Variants in SYT9 observed in about 807,000 individuals in gnomAD.
The protein encoded by SYT9 is synaptotagmin 9, also known as synaptotagmin-9.
SYT9 carries 22 observed loss-of-function variants against 48.4 expected under a neutral mutation model. The observed-to-expected ratio is 0.45, with a 90% confidence interval of 0.32 to 0.65. The LOEUF (loss-of-function observed/expected upper bound fraction) is 0.65, where lower values mean the gene tolerates loss of function less well. SYT9 is among the 30% of genes least tolerant of loss of function. The pLI is 0.03. For synonymous variants in SYT9, 265 were observed against 245.0 expected, an observed-to-expected ratio of 1.08 and a Z score of -0.76; for missense variants, 577 against 622.0, an observed-to-expected ratio of 0.93 and a Z score of 0.77.
At chr11:7,302,412 G>A (rs546749205) in intron 1 of SYT9, among the ~76,000 whole-genome samples, 11 of 152,264 alleles carry the variant, frequency 7.2e-5, no homozygotes, top group African/African-American at 2.6e-4. Context: ...TTTAGGGTAT[G>A]CTACTGGGGA....
chr11:7,425,883 C>T (rs1847447754), intron 6 of SYT9, among the ~76,000 whole-genome samples: 1 of 152,138 alleles, frequency 6.6e-6, no homozygotes, highest in Non-Finnish European at 1.5e-5. Context: ...AGCATCGTGT[C>T]TCATGTCTCA....
intron 3 of SYT9, among the ~76,000 whole-genome samples, chr11:7,398,250 T>C (rs561039108): frequency 6.6e-6 from 1 of 152,294 alleles, no homozygotes. Context: ...TTTACCTTGA[T>C]TATGATGTTC....
chr11:7,425,129 T>C (rs185543005), intron 6 of SYT9, among the ~76,000 whole-genome samples: 2 of 152,248 alleles, frequency 1.3e-5, no homozygotes, highest in African/African-American at 4.8e-5. Context: ...GATCCACATA[T>C]TCCCAGGAGA....
chr11:7,307,146 G>A (rs10500689), intron 2 of SYT9, among the ~76,000 whole-genome samples: 12,034 of 152,160 alleles, frequency 0.079, 842 homozygotes, highest in East Asian at 0.21. Context: ...TAAGCAATCC[G>A]TAGAGTTACA....
At chr11:7,373,909 G>T (rs1049468658) in intron 3 of SYT9, among the ~76,000 whole-genome samples, 1 of 151,946 alleles carries the variant, frequency 6.6e-6, no homozygotes, top group Non-Finnish European at 1.5e-5. Flanking sequence ...TTTCTAGATT[G>T]TCCTAGAGAG....
intron 3 of SYT9, among the ~76,000 whole-genome samples, chr11:7,409,196 A>G (rs545332801): frequency 3.4e-4 from 51 of 152,198 alleles, no homozygotes; most frequent in African/African-American, 1.2e-3. Flanking sequence ...TATGTGATGT[A>G]TCACATTTAT....
At chr11:7,298,865 T>C (rs942032491) in intron 1 of SYT9, among the ~76,000 whole-genome samples, 1 of 152,166 alleles carries the variant, frequency 6.6e-6, no homozygotes, top group Non-Finnish European at 1.5e-5. Context: ...ACATCTTCCC[T>C]GGGAAGAATA....
chr11:7,317,539 A>T (rs1379036715), intron 3 of SYT9, among the ~76,000 whole-genome samples: 1 of 152,064 alleles, frequency 6.6e-6, no homozygotes, highest in Non-Finnish European at 1.5e-5. Context: ...TAATCCTACA[A>T]TGGGGGCCCC....
At chr11:7,406,841 A>G (rs963440246) in intron 3 of SYT9, among the ~76,000 whole-genome samples, 5 of 151,900 alleles carry the variant, frequency 3.3e-5, no homozygotes, top group African/African-American at 1.2e-4. Context: ...TTTTCTCCAC[A>G]TTGTTGCTAG....
chr11:7,400,499 C>T (rs951656155), intron 3 of SYT9, among the ~76,000 whole-genome samples: 6 of 152,122 alleles, frequency 3.9e-5, no homozygotes, highest in African/African-American at 1.4e-4. Flanking sequence ...TCAAACAGTT[C>T]TGAAACAAGG....
intron 6 of SYT9, among the ~76,000 whole-genome samples, chr11:7,456,083 T>C (rs756723485): frequency 6.6e-6 from 1 of 152,280 alleles, no homozygotes; most frequent in South Asian, 2.1e-4. Context: ...TATTTGATTA[T>C]ACATTTACCA....
intron 3 of SYT9, among the ~76,000 whole-genome samples, chr11:7,315,800 A>C (rs1480372435): frequency 6.6e-6 from 1 of 152,198 alleles, no homozygotes; most frequent in Non-Finnish European, 1.5e-5. Context: ...CTTGGGAGTA[A>C]GAGTTTCTTT....
rs1423873783 is a variant in SYT9 at position 7,418,057 on chromosome 11, C to A, written c.1266C>A (p.Ala422=). ...RNTLNPVYNE[A]IVFDVPPENI... is the part of the protein sequence containing the mutation. ...CCTTGAATCCTGTTTACAACGAAGC[C>A]ATAGTCTTTGATGTCCCTCCCGAGA... Residue 422 remains alanine (A), a synonymous_variant, in exon 5 of 7, where the codon GCC becomes GCA. Coordinates refer to ENST00000318881, the MANE Select transcript of SYT9 (RefSeq NM_175733.4). The A allele has an allele frequency of 1.9e-6, 3 of 1,614,024 alleles. No homozygotes were observed. The African/African-American group carries it at 4.0e-5, about 22-fold the overall frequency.
In SYT9 at chr11:7,306,613, G is replaced by A. The variant is rs368608483; in HGVS notation, c.497+3223G>A. On this transcript the variant is annotated intron_variant, in intron 2 of 6. Transcript: ENST00000318881. ...TCCTGCCTTGAGGTCTTCACACGTT[G>A]TTCCCTCAGCCAGGAATGCTTTTCC... Among the ~76,000 whole-genome samples the A allele has an allele frequency of 2.3e-3, 353 of 152,276 alleles. 9 individuals are homozygous for A. The South Asian group carries it at 0.07, about 30-fold the overall frequency.
chr11:7,272,923 G>A (rs530714745), intron 1 of SYT9, among the ~76,000 whole-genome samples: 3 of 152,166 alleles, frequency 2.0e-5, no homozygotes, highest in Non-Finnish European at 4.4e-5. Context: ...AGTTAGGATT[G>A]GTGGAGTTGA....
intron 1 of SYT9, among the ~76,000 whole-genome samples, chr11:7,302,582 G>T (rs150541007): frequency 6.6e-6 from 1 of 152,114 alleles, no homozygotes; most frequent in Non-Finnish European, 1.5e-5. Context: ...CTAGTTTCTC[G>T]TATTTTAAAA....
At chr11:7,388,305 T>C (rs1206149545) in intron 3 of SYT9, among the ~76,000 whole-genome samples, 1 of 152,190 alleles carries the variant, frequency 6.6e-6, no homozygotes, top group Non-Finnish European at 1.5e-5. Flanking sequence ...AAAATTCTTT[T>C]ATCTTTCAAT....
intron 3 of SYT9, among the ~76,000 whole-genome samples, chr11:7,316,690 T>C (rs1422286666): frequency 6.6e-6 from 1 of 152,238 alleles, no homozygotes; most frequent in Non-Finnish European, 1.5e-5. Context: ...GTTCAGCTTT[T>C]CTAGATAATG....
chr11:7,338,098 A>G (rs1311315193), intron 3 of SYT9, among the ~76,000 whole-genome samples: 3 of 152,128 alleles, frequency 2.0e-5, no homozygotes, highest in Non-Finnish European at 2.9e-5. Context: ...GGGAGGATGT[A>G]TGTGTCCAGG....
Sources: gnomAD v4.1 joint callset for allele counts (sites outside exome capture counted in the v4.1 genomes callset) on GRCh38, gnomAD v4.1.1 for gene constraint, MANE v1.5 for transcripts, NCBI Gene and HGNC (gene_info 2026-07-23, HGNC 2026-07-21) for gene names.